The following MAD1L1 variants were observed in gnomAD, a reference collection of about 807,000 sequenced individuals.
MAD1L1 encodes the protein mitotic arrest deficient 1 like 1.
Under a neutral mutation model 96.9 loss-of-function variants are expected in MAD1L1, and 95 were observed. That is an observed-to-expected ratio of 0.98 (90% CI 0.83 to 1.16). The LOEUF is 1.16. Ranked by LOEUF, MAD1L1 falls within the 50% of genes most tolerant of loss-of-function variation. The pLI is 0.00. For synonymous variants in MAD1L1, 473 were observed against 396.6 expected (o/e 1.19, Z -2.29); for missense variants, 1,007 against 954.4 (o/e 1.06, Z -0.73).
At chr7:1,942,287 C>T (rs1370237924) in intron 16 of MAD1L1, among the ~76,000 whole-genome samples, 1 of 152,174 alleles carries the variant, frequency 6.6e-6, no homozygotes. Flanking sequence ...AAGGAGGCCA[C>T]GCCTGAGCCC....
At chr7:1,943,388 G>A (rs1779088052) in intron 16 of MAD1L1, among the ~76,000 whole-genome samples, 1 of 152,150 alleles carries the variant, frequency 6.6e-6, no homozygotes, top group South Asian at 2.1e-4. Context: ...AACACATGAA[G>A]CACTGTCAGC....
chr7:1,939,066 G>C (rs1483249571), intron 16 of MAD1L1, among the ~76,000 whole-genome samples: 1 of 111,904 alleles, frequency 8.9e-6, no homozygotes, highest in African/African-American at 3.6e-5. Context: ...ACACACACGG[G>C]CCAGAGCCGG....
chr7:1,935,656 A>C (rs1778555838), intron 17 of MAD1L1, among the ~76,000 whole-genome samples: 1 of 152,228 alleles, frequency 6.6e-6, no homozygotes, highest in South Asian at 2.1e-4. Context: ...ACCGCCACAC[A>C]ACCTCTGCAC....
At chr7:1,835,133 A>T (rs1403527904) in intron 18 of MAD1L1, among the ~76,000 whole-genome samples, 1 of 145,886 alleles carries the variant, frequency 6.9e-6, no homozygotes. Context: ...AAAAAAAAAA[A>T]TCTCAGCAAA....
chr7:1,860,097 C>T (rs1259582459), intron 18 of MAD1L1, among the ~76,000 whole-genome samples: 14 of 146,954 alleles, frequency 9.5e-5, no homozygotes, highest in Admixed American at 2.0e-4. Flanking sequence ...GACCTGACAT[C>T]CTGCGGGGCG....
chr7:2,141,119 G>A (rs1047823819), intron 11 of MAD1L1, among the ~76,000 whole-genome samples: 17 of 152,354 alleles, frequency 1.1e-4, no homozygotes, highest in South Asian at 4.1e-4. Context: ...ACCCGGCCCC[G>A]TCATGAAGGA....
chr7:2,091,680 G>A (rs997963789), intron 11 of MAD1L1, among the ~76,000 whole-genome samples: 28 of 151,940 alleles, frequency 1.8e-4, no homozygotes, highest in African/African-American at 6.3e-4. Context: ...GGAGGCTGAG[G>A]CAGAAGAATG....
chr7:2,000,288 C>G (rs1468842581), intron 14 of MAD1L1, among the ~76,000 whole-genome samples: 1 of 152,060 alleles, frequency 6.6e-6, no homozygotes, highest in African/African-American at 2.4e-5. Flanking sequence ...CACGCCATTG[C>G]AGTCCTAGCC....
intron 17 of MAD1L1, among the ~76,000 whole-genome samples, chr7:1,935,623 G>C (rs1281276118): frequency 1.3e-5 from 2 of 152,196 alleles, no homozygotes; most frequent in Admixed American, 1.3e-4. Flanking sequence ...CCTGGGTGCT[G>C]GGCTGTGGGA....
At chr7:2,173,503 G>A (rs978034687) in intron 10 of MAD1L1, among the ~76,000 whole-genome samples, 1 of 152,214 alleles carries the variant, frequency 6.6e-6, no homozygotes, top group African/African-American at 2.4e-5. Flanking sequence ...TTGCTTAGCT[G>A]TCTGTTTATC....
chr7:2,042,202 CAG>C (rs1783714653), intron 12 of MAD1L1, among the ~76,000 whole-genome samples: 1 of 141,264 alleles, frequency 7.1e-6, no homozygotes, highest in Non-Finnish European at 1.5e-5. Context: ...CACATGGACA[CAG>C]ACACGCACAC....
At chr7:2,173,276 G>A (rs184812667) in intron 10 of MAD1L1, among the ~76,000 whole-genome samples, 18 of 152,204 alleles carry the variant, frequency 1.2e-4, no homozygotes, top group Admixed American at 8.5e-4. Context: ...TGGAAGAGGA[G>A]GCCATGGCTC....
At chr7:1,975,192 G>A (rs1054128503) in intron 15 of MAD1L1, among the ~76,000 whole-genome samples, 1 of 152,222 alleles carries the variant, frequency 6.6e-6, no homozygotes, top group Admixed American at 6.5e-5. Context: ...GGGAGAATGA[G>A]GCCACAAAGG....
At chr7:2,087,913 C>T (rs1267923599) in intron 11 of MAD1L1, among the ~76,000 whole-genome samples, 24 of 152,190 alleles carry the variant, frequency 1.6e-4, no homozygotes, top group Admixed American at 1.5e-3. Context: ...ACCACAACAG[C>T]GTGTGGGGAG....
chr7:1,953,194 C>T (rs983134067), intron 16 of MAD1L1, among the ~76,000 whole-genome samples: 1 of 152,210 alleles, frequency 6.6e-6, no homozygotes, highest in African/African-American at 2.4e-5. Context: ...ACCGCACCAC[C>T]TGCCTGCTGG....
chr7:2,174,565 G>A (rs941808661), intron 10 of MAD1L1, among the ~76,000 whole-genome samples: 6 of 151,298 alleles, frequency 4.0e-5, no homozygotes, highest in South Asian at 2.2e-4. Flanking sequence ...CACAGAACCC[G>A]ATCCTCAGAG....
chr7:1,974,939 G>A (rs1780567239), intron 15 of MAD1L1, among the ~76,000 whole-genome samples: 2 of 152,106 alleles, frequency 1.3e-5, no homozygotes, highest in South Asian at 4.1e-4. Context: ...AGGGCCCTGA[G>A]GACCCAAGCT....
At chr7:2,001,129 A>C (rs1781772384) in intron 14 of MAD1L1, among the ~76,000 whole-genome samples, 1 of 152,254 alleles carries the variant, frequency 6.6e-6, no homozygotes, top group Non-Finnish European at 1.5e-5. Flanking sequence ...CCTGAGAGCC[A>C]GGACACCGGC....
At chr7:2,225,270 T>TC in intron 4 of MAD1L1, 140 bp downstream of exon 4, 1 of 207,722 alleles carries the variant, frequency 4.8e-6, no homozygotes, top group South Asian at 5.8e-5. Flanking sequence ...ATCTGATTTC[T>TC]TAAGACCTGG....
Sources: gnomAD v4.1 joint callset for allele counts (sites outside exome capture counted in the v4.1 genomes callset) on GRCh38, gnomAD v4.1.1 for gene constraint, MANE v1.5 for transcripts, NCBI Gene and HGNC (gene_info 2026-07-23, HGNC 2026-07-21) for gene names.